The following SWAP70 variants were observed in gnomAD, a reference collection of about 807,000 sequenced individuals.
SWAP70 encodes switch-associated protein 70.
Under a neutral mutation model 80.2 loss-of-function variants are expected in SWAP70, and 34 were observed. The observed-to-expected ratio is 0.42, with a 90% confidence interval of 0.32 to 0.56. The LOEUF (loss-of-function observed/expected upper bound fraction) is 0.56. Ranked by LOEUF, SWAP70 falls within the 20% of genes least tolerant of loss-of-function variation. The pLI is 0.09. For synonymous variants in SWAP70, 239 were observed against 238.5 expected, an observed-to-expected ratio of 1.00 and a Z score of -0.02; for missense variants, 578 against 690.7, an observed-to-expected ratio of 0.84 and a Z score of 1.83.
chr11:9,678,445 A>C (rs547000384), intron 1 of SWAP70, among the ~76,000 whole-genome samples: 7 of 151,760 alleles, frequency 4.6e-5, no homozygotes, highest in African/African-American at 1.7e-4. Flanking sequence ...TACTTGCTAG[A>C]AACTTTTCAG....
At chr11:9,667,230 T>C (rs542787739) in intron 1 of SWAP70, among the ~76,000 whole-genome samples, 48 of 74,730 alleles carry the variant, frequency 6.4e-4, no homozygotes, top group African/African-American at 1.3e-3. Flanking sequence ...ATTTTCACAC[T>C]TCTGTGTGTG....
intron 2 of SWAP70, among the ~76,000 whole-genome samples, chr11:9,712,397 T>A (rs1028557276): frequency 2.3e-4 from 35 of 152,314 alleles, no homozygotes; most frequent in African/African-American, 8.2e-4. Context: ...ACAGACCTAG[T>A]TCTTCATCTT....
chr11:9,672,193 G>GTTTA (rs1427255406), intron 1 of SWAP70, among the ~76,000 whole-genome samples: 1 of 18,892 alleles, frequency 5.3e-5, no homozygotes, highest in East Asian at 9.6e-4. Context: ...ATATGTGTGT[G>GTTTA]TCTATATATA....
chr11:9,723,494 A>G (rs933255200), intron 3 of SWAP70, among the ~76,000 whole-genome samples: 7 of 152,178 alleles, frequency 4.6e-5, no homozygotes, highest in African/African-American at 1.2e-4. Flanking sequence ...ATTTAGGGAA[A>G]TAAAACAGCA....
chr11:9,672,451 AC>A (rs1850430791), intron 1 of SWAP70, among the ~76,000 whole-genome samples: 1 of 150,186 alleles, frequency 6.7e-6, no homozygotes, highest in South Asian at 2.1e-4. Context: ...CATACCCATG[AC>A]CTCCATGCTG....
At chr11:9,744,392 A>C (rs187279884) in intron 9 of SWAP70, among the ~76,000 whole-genome samples, 2 of 152,346 alleles carry the variant, frequency 1.3e-5, no homozygotes. Context: ...TGTAATAATC[A>C]CATCAGGGTA....
intron 1 of SWAP70, among the ~76,000 whole-genome samples, chr11:9,666,629 A>T (rs939117719): frequency 1.3e-5 from 2 of 152,012 alleles, no homozygotes; most frequent in Admixed American, 6.6e-5. Flanking sequence ...ACAATATTAA[A>T]TTTTTTGCTT....
intron 1 of SWAP70, among the ~76,000 whole-genome samples, chr11:9,688,555 T>C (rs1158876137): frequency 6.6e-6 from 1 of 152,096 alleles, no homozygotes; most frequent in Non-Finnish European, 1.5e-5. Context: ...ATAAGGAAGG[T>C]GAAGTGGGCT....
intron 1 of SWAP70, among the ~76,000 whole-genome samples, chr11:9,667,803 T>C (rs1850327276): frequency 6.6e-6 from 1 of 152,216 alleles, no homozygotes; most frequent in South Asian, 2.1e-4. Flanking sequence ...TCAGACTATA[T>C]GCCTGCCTCA....
At chr11:9,668,592 A>C (rs898815740) in intron 1 of SWAP70, among the ~76,000 whole-genome samples, 1 of 152,194 alleles carries the variant, frequency 6.6e-6, no homozygotes, top group African/African-American at 2.4e-5. Flanking sequence ...TCATACAGTA[A>C]CCTTCTGTAA....
chr11:9,685,917 G>T (rs1259315498), intron 1 of SWAP70, among the ~76,000 whole-genome samples: 1 of 152,116 alleles, frequency 6.6e-6, no homozygotes, highest in African/African-American at 2.4e-5. Flanking sequence ...TTACAGGCGT[G>T]AGCCATTGCT....
rs1177181372 is a variant in SWAP70 at position 9,750,760 on chromosome 11, G to C, written c.*790G>C. 6.6e-6 allele frequency: 1 copy of C among 152,210 alleles called. No individual in the cohort carries two copies. The highest frequency in any genetic ancestry group is 1.5e-5 in the Non-Finnish European group (1 of 68,064). The allele number at this position is 152,210 out of a possible 1,614,324, so 9.4% of individuals were successfully genotyped here. ...GTTCGCTTTCCATTTCCTGACACTT[G>C]ACATGGAATGCCTTTGACCATTGGT... On this transcript the variant is annotated 3_prime_UTR_variant, in exon 12 of 12. Coordinates refer to ENST00000318950, the MANE Select transcript of SWAP70 (RefSeq NM_015055.4).
Position 9,694,161 on chromosome 11 carries a change from C to G in SWAP70, c.115C>G (p.Leu39Val). The part of the protein sequence containing the change: ...KSQLKVLSHN[L>V]CTVLKVPHDP... ...TCCCTTGCAGGTCCTTTCCCATAAC[C>G]TGTGCACGGTGCTGAAGGTTCCTCA... The change falls in exon 2 of 12, where the codon CTG (leucine) becomes GTG (valine). Residue 39 changes from leucine to valine, a missense_variant. By Grantham distance (32) the Leu-to-Val change is conservative (BLOSUM62 1). Coordinates refer to ENST00000318950, the MANE Select transcript of SWAP70 (RefSeq NM_015055.4). 6.2e-7 allele frequency: 1 copy of G among 1,607,264 alleles called. No homozygotes were observed. Among genetic ancestry groups the G allele is most frequent in the Non-Finnish European group, 8.5e-7 (1 of 1,177,200 alleles).
rs1023861070 is a variant in SWAP70 at position 9,664,304 on chromosome 11, C to T, written c.99+26C>T. ...GTGGGCGCCTCCTGACCCGGCCCCC[C>T]ACCCGACCCTCCCCGGCGCGCTCTG... On this transcript the variant is annotated intron_variant, in intron 1 of 11. Coordinates refer to ENST00000318950, the MANE Select transcript of SWAP70 (RefSeq NM_015055.4). 16 of 1,545,404 alleles carry T rather than the reference C, an allele frequency of 1.0e-5. No homozygotes were observed. In the East Asian group the frequency reaches 2.0e-4, roughly 19 times the overall value.
intron 2 of SWAP70, among the ~76,000 whole-genome samples, chr11:9,707,565 T>C (rs1240454276): frequency 6.7e-6 from 1 of 149,648 alleles, no homozygotes; most frequent in African/African-American, 2.5e-5. Flanking sequence ...TTCTTTTTTT[T>C]TTTTTTTTGA....
intron 1 of SWAP70, among the ~76,000 whole-genome samples, chr11:9,685,599 G>A (rs1320350605): frequency 7.0e-6 from 1 of 143,468 alleles, no homozygotes; most frequent in African/African-American, 2.4e-5. Flanking sequence ...CGAGAGTTCC[G>A]CTCTCTTGAC....
chr11:9,731,675 G>T (rs560206520), intron 6 of SWAP70, among the ~76,000 whole-genome samples: 1 of 152,206 alleles, frequency 6.6e-6, no homozygotes, highest in Non-Finnish European at 1.5e-5. Context: ...AAAAAAAACT[G>T]AGGGTCAGAA....
At chr11:9,675,311 G>GAGAGGGAGTGAGAGAGAGAC (rs1399726318) in intron 1 of SWAP70, among the ~76,000 whole-genome samples, 2 of 64,282 alleles carry the variant, frequency 3.1e-5, no homozygotes, top group African/African-American at 7.7e-5. Flanking sequence ...GAAAGAAACA[G>GAGAGGGAGTGAGAGAGAGAC]AGAGGGAGCG....
At chr11:9,710,705 T>C (rs2252445) in intron 2 of SWAP70, among the ~76,000 whole-genome samples, 15,091 of 150,594 alleles carry the variant, frequency 0.1, 1,486 homozygotes, top group African/African-American at 0.25. Context: ...TTTTATTAAG[T>C]GTCTTGCCCT....
Sources: allele counts gnomAD v4.1 joint callset (sites outside exome capture counted in the v4.1 genomes callset), GRCh38; gene constraint gnomAD v4.1.1; transcripts MANE v1.5; gene names NCBI Gene and HGNC (gene_info 2026-07-23, HGNC 2026-07-21).